The following TOX variants were observed in gnomAD, a reference collection of about 807,000 sequenced individuals.
The protein encoded by TOX is thymocyte selection-associated high mobility group box protein TOX.
A neutral mutation model predicts 53.7 loss-of-function variants in TOX; 11 were observed. The ratio of observed to expected loss-of-function variants is 0.20; its 90% CI spans 0.13 to 0.34. The LOEUF is 0.34. TOX is among the 10% of genes least tolerant of loss of function. The pLI, the probability that TOX is intolerant of heterozygous loss-of-function variation, is 1.00. For missense variants in TOX, 570 were observed against 664.6 expected (o/e 0.86, Z 1.56); for synonymous variants, 225 against 245.3 (o/e 0.92, Z 0.77).
intron 3 of TOX, among the ~76,000 whole-genome samples, chr8:58,933,607 G>A (rs1812296132): frequency 6.6e-6 from 1 of 151,968 alleles, no homozygotes; most frequent in South Asian, 2.1e-4. Flanking sequence ...GACAGCCAAA[G>A]CCATGGCAAG....
chr8:58,941,208 C>T (rs1471974948), intron 2 of TOX, among the ~76,000 whole-genome samples: 2 of 152,172 alleles, frequency 1.3e-5, no homozygotes, highest in Non-Finnish European at 2.9e-5. Flanking sequence ...CAGATCTAAG[C>T]CATTGGTTCC....
intron 3 of TOX, among the ~76,000 whole-genome samples, chr8:58,890,606 C>T (rs1273284972): frequency 6.6e-6 from 1 of 151,976 alleles, no homozygotes; most frequent in African/African-American, 2.4e-5. Flanking sequence ...TCATATAACT[C>T]CAGGGGGCTA....
In TOX at chr8:58,806,575, C is replaced by T. The variant is rs1386070626; in HGVS notation, c.*1172G>A. On this transcript the variant is annotated 3_prime_UTR_variant, in exon 9 of 9. Transcript: ENST00000361421. ...TTATGTCGTATGAAGAAATAAAGTT[C>T]TTAAATATAATAGTTTTTTGTTTGC... 1 of 152,470 alleles carries T rather than the reference C, an allele frequency of 6.6e-6. No individual in the cohort carries two copies. The highest frequency in any genetic ancestry group is 2.4e-5 in the African/African-American group (1 of 41,398). The allele number at this position is 152,470 out of a possible 1,614,324, so 9.4% of individuals were successfully genotyped here.
At chr8:58,836,962 C>A (rs1430946256) in intron 5 of TOX, among the ~76,000 whole-genome samples, 1 of 152,052 alleles carries the variant, frequency 6.6e-6, no homozygotes, top group Non-Finnish European at 1.5e-5. Flanking sequence ...TTGTAATCTG[C>A]AAAATTTGGG....
chr8:58,895,560 T>C (rs909814931), intron 3 of TOX, among the ~76,000 whole-genome samples: 1 of 152,212 alleles, frequency 6.6e-6, no homozygotes, highest in Non-Finnish European at 1.5e-5. Context: ...TATGAAGCCT[T>C]GCAGTTAAAG....
At chr8:59,089,619 C>T (rs576519179) in intron 1 of TOX, among the ~76,000 whole-genome samples, 3 of 152,232 alleles carry the variant, frequency 2.0e-5, no homozygotes, top group Non-Finnish European at 4.4e-5. Flanking sequence ...GAGACAAGGT[C>T]TTGCTCTGTC....
intron 5 of TOX, among the ~76,000 whole-genome samples, chr8:58,837,503 C>T (rs1810566806): frequency 6.6e-6 from 1 of 152,132 alleles, no homozygotes; most frequent in African/African-American, 2.4e-5. Flanking sequence ...CTTCCCTGAG[C>T]ATGGTCCTCA....
At chr8:58,820,151 T>C (rs1810249100) in intron 6 of TOX, among the ~76,000 whole-genome samples, 1 of 152,294 alleles carries the variant, frequency 6.6e-6, no homozygotes, top group East Asian at 1.9e-4. Flanking sequence ...CCTCATTCTA[T>C]AAAAAGAAAC....
chr8:58,963,501 A>G (rs756475804), intron 1 of TOX, among the ~76,000 whole-genome samples: 1 of 152,162 alleles, frequency 6.6e-6, no homozygotes, highest in African/African-American at 2.4e-5. Context: ...CAATATACAA[A>G]TGTATTTATT....
intron 6 of TOX, among the ~76,000 whole-genome samples, chr8:58,819,693 A>G (rs1244831879): frequency 6.6e-6 from 1 of 152,246 alleles, no homozygotes; most frequent in Non-Finnish European, 1.5e-5. Flanking sequence ...TGCATAGTGT[A>G]TAAATTTCCC....
intron 1 of TOX, among the ~76,000 whole-genome samples, chr8:59,014,959 T>C (rs1813980794): frequency 6.6e-6 from 1 of 152,198 alleles, no homozygotes; most frequent in Non-Finnish European, 1.5e-5. Context: ...TTAATATTAA[T>C]TACAGAATTC....
intron 1 of TOX, among the ~76,000 whole-genome samples, chr8:59,059,123 G>A (rs1291976419): frequency 6.6e-6 from 1 of 152,184 alleles, no homozygotes; most frequent in Non-Finnish European, 1.5e-5. Flanking sequence ...GAAGATAGAG[G>A]TATTTTAAGT....
intron 1 of TOX, among the ~76,000 whole-genome samples, chr8:59,013,118 T>G (rs532174618): frequency 3.9e-5 from 6 of 152,304 alleles, no homozygotes; most frequent in Admixed American, 3.9e-4. Context: ...CAATGTTTTC[T>G]CAATTCTTGG....
At chr8:58,816,822 C>T (rs2129164795) in intron 6 of TOX, among the ~76,000 whole-genome samples, 1 of 152,352 alleles carries the variant, frequency 6.6e-6, no homozygotes, top group South Asian at 2.1e-4. Context: ...CACCACCGGG[C>T]AACCCACTGA....
At chr8:58,996,776 C>G (rs1432847273) in intron 1 of TOX, among the ~76,000 whole-genome samples, 1 of 152,178 alleles carries the variant, frequency 6.6e-6, no homozygotes, top group Non-Finnish European at 1.5e-5. Flanking sequence ...ATTAAAACAG[C>G]AACAATGCAA....
At chr8:59,035,996 C>T (rs1346754438) in intron 1 of TOX, among the ~76,000 whole-genome samples, 8 of 152,248 alleles carry the variant, frequency 5.3e-5, no homozygotes. Flanking sequence ...CTTGACCACA[C>T]AGCTTCAAGA....
chr8:58,913,247 T>C (rs1055121265), intron 3 of TOX, among the ~76,000 whole-genome samples: 1 of 152,036 alleles, frequency 6.6e-6, no homozygotes, highest in African/African-American at 2.4e-5. Flanking sequence ...GGCCAGGAGT[T>C]TGGGGCTGCA....
rs1810580068 is a variant in TOX at position 58,838,237 on chromosome 8, C to G, written c.768G>C (p.Lys256Asn). Residue 256 changes from lysine (K) to asparagine (N), a missense_variant, in exon 5 of 9, where the codon AAG becomes AAC. Physicochemically the swap from Lys to Asn is moderately conservative, Grantham distance 94. Around this residue, in one of 3 missense-constraint regions of TOX, gnomAD observed 49 missense variants for 98.9 expected, o/e 0.50. Transcript: ENST00000361421. ...CAGGCTTCTGGGGCTCATTGGGATC[C>G]TTCTTCTTCTTCTTTTTGGGAGTTT... The part of the protein sequence containing the change: ...KPKTPKKKKK[K>N]DPNEPQKPVS... 1 of 1,610,544 alleles carries G rather than the reference C, an allele frequency of 6.2e-7. No individual in the cohort carries two copies. The highest frequency in any genetic ancestry group is 1.3e-5 in the African/African-American group (1 of 74,804).
intron 1 of TOX, among the ~76,000 whole-genome samples, chr8:59,086,526 T>C (rs1262652098): frequency 6.6e-6 from 1 of 152,172 alleles, no homozygotes; most frequent in Non-Finnish European, 1.5e-5. Flanking sequence ...AAATTTTAAG[T>C]CACTAAGATT....
Sources: allele counts gnomAD v4.1 joint callset (sites outside exome capture counted in the v4.1 genomes callset), GRCh38; gene constraint gnomAD v4.1.1; regional missense constraint gnomAD v4.1.1; transcripts MANE v1.5; gene names NCBI Gene and HGNC (gene_info 2026-07-23, HGNC 2026-07-21).